DOK6: variants seen among roughly 807,000 people sequenced by gnomAD.
The protein encoded by DOK6 is downstream of tyrosine kinase 6.
Under a neutral mutation model 44.0 loss-of-function variants are expected in DOK6, and 22 were observed. That is an observed-to-expected ratio of 0.50 (90% CI 0.36 to 0.71). DOK6 has a LOEUF of 0.71. Ranked by LOEUF, DOK6 falls within the 30% of genes least tolerant of loss-of-function variation. The pLI, the probability that DOK6 is intolerant of heterozygous loss-of-function variation, is 0.00. For synonymous variants in DOK6, 166 were observed against 145.5 expected, an observed-to-expected ratio of 1.14 and a Z score of -1.01; for missense variants, 340 against 416.4, an observed-to-expected ratio of 0.82 and a Z score of 1.60.
At chr18:69,818,802 G>T (rs555869447) in intron 7 of DOK6, among the ~76,000 whole-genome samples, 2 of 152,150 alleles carry the variant, frequency 1.3e-5, no homozygotes, top group East Asian at 1.9e-4. Flanking sequence ...GATGATAAAG[G>T]CCCCCTAGTT....
In DOK6 at chr18:69,564,501, C is replaced by A; in HGVS notation, c.81C>A (p.Cys27Ter). The change falls in exon 2 of 8, where the codon TGC becomes TGA. Residue 27 changes from cysteine to a stop codon, truncating the protein, a stop_gained. Transcript: ENST00000382713. LOFTEE classifies it high-confidence loss of function. ...RSRKLGIFRR[C>*]WLVFKKASSK... ...TTTGCTTTCAGATTTTCAGACGATG[C>A]TGGTTGGTTTTCAAGAAGGCTTCTA... 6.2e-7 allele frequency: 1 copy of A among 1,613,606 alleles called. No homozygotes were observed. Among genetic ancestry groups the A allele is most frequent in the Non-Finnish European group, 8.5e-7 (1 of 1,179,780 alleles).
chr18:69,613,262 T>TGC (rs1374228825), intron 3 of DOK6, among the ~76,000 whole-genome samples: 1 of 152,170 alleles, frequency 6.6e-6, no homozygotes. Flanking sequence ...TGTGTGTGTG[T>TGC]GCATGTGTGT....
chr18:69,772,279 G>A (rs761056410), intron 7 of DOK6, among the ~76,000 whole-genome samples: 11 of 152,014 alleles, frequency 7.2e-5, no homozygotes, highest in Non-Finnish European at 1.5e-4. Context: ...TTGTTAACAT[G>A]TCTATACTAC....
intron 7 of DOK6, among the ~76,000 whole-genome samples, chr18:69,785,462 C>T (rs77939649): frequency 5.7e-4 from 87 of 152,262 alleles, no homozygotes; most frequent in Non-Finnish European, 1.1e-3. Context: ...GTTCTGCAGC[C>T]AAGGCCATGG....
intron 3 of DOK6, among the ~76,000 whole-genome samples, chr18:69,627,639 C>T (rs940781117): frequency 1.6e-4 from 24 of 152,042 alleles, no homozygotes; most frequent in African/African-American, 5.3e-4. Context: ...TTAGTAGAGA[C>T]GGGGTTTCAC....
chr18:69,493,218 T>C (rs929714605), intron 1 of DOK6, among the ~76,000 whole-genome samples: 1 of 152,184 alleles, frequency 6.6e-6, no homozygotes, highest in Non-Finnish European at 1.5e-5. Context: ...TTAAAAGACA[T>C]TACCTTATTT....
intron 1 of DOK6, among the ~76,000 whole-genome samples, chr18:69,474,283 TC>T (rs1201791702): frequency 2.6e-5 from 4 of 152,102 alleles, no homozygotes; most frequent in African/African-American, 9.7e-5. Flanking sequence ...TTCCTTTCTC[TC>T]TTTCATTTTC....
chr18:69,680,999 A>G (rs1986031470), intron 4 of DOK6, among the ~76,000 whole-genome samples: 3 of 152,242 alleles, frequency 2.0e-5, no homozygotes, highest in African/African-American at 7.2e-5. Context: ...ACTTACTAAT[A>G]CATGGTTGAA....
At chr18:69,529,501 C>T (rs1300377529) in intron 1 of DOK6, among the ~76,000 whole-genome samples, 1 of 152,158 alleles carries the variant, frequency 6.6e-6, no homozygotes, top group Admixed American at 6.6e-5. Flanking sequence ...ACTGTGCCAT[C>T]CACTTGGAAA....
chr18:69,620,256 T>A (rs1568313413), intron 3 of DOK6, among the ~76,000 whole-genome samples: 1 of 152,174 alleles, frequency 6.6e-6, no homozygotes, highest in Non-Finnish European at 1.5e-5. Flanking sequence ...AGTATTATAC[T>A]CCATTATTTG....
chr18:69,793,183 T>C (rs1191662820), intron 7 of DOK6, among the ~76,000 whole-genome samples: 2 of 152,290 alleles, frequency 1.3e-5, no homozygotes, highest in Middle Eastern at 3.4e-3. Context: ...GATTGACTTA[T>C]AGTTTTCTGG....
At chr18:69,788,580 C>T (rs898058701) in intron 7 of DOK6, among the ~76,000 whole-genome samples, 8 of 152,248 alleles carry the variant, frequency 5.3e-5, no homozygotes, top group East Asian at 3.9e-4. Context: ...TGGCACTTAA[C>T]GAACAGAGAG....
At chr18:69,623,658 GATTATTACT>G (rs1360740945) in intron 3 of DOK6, among the ~76,000 whole-genome samples, 1 of 152,126 alleles carries the variant, frequency 6.6e-6, no homozygotes, top group Non-Finnish European at 1.5e-5. Flanking sequence ...TTCCTCTAAT[GATTATTACT>G]AATATTTATT....
At chr18:69,408,439 CA>C (rs35285941) in intron 1 of DOK6, among the ~76,000 whole-genome samples, 49,569 of 138,638 alleles carry the variant, frequency 0.36, 8,504 homozygotes, top group Middle Eastern at 0.51. Flanking sequence ...CCTCTCCTTT[CA>C]AAAAAAAAAA....
intron 3 of DOK6, among the ~76,000 whole-genome samples, chr18:69,666,911 G>T (rs1047248042): frequency 6.6e-6 from 1 of 152,134 alleles, no homozygotes; most frequent in East Asian, 1.9e-4. Context: ...AAATAGCTTC[G>T]TTTTAAGGAA....
At chr18:69,772,260 G>C (rs1351599351) in intron 7 of DOK6, among the ~76,000 whole-genome samples, 2 of 151,968 alleles carry the variant, frequency 1.3e-5, no homozygotes, top group Non-Finnish European at 2.9e-5. Flanking sequence ...CGAGTTGAAA[G>C]AGTTAATATT....
chr18:69,795,679 A>G (rs1434557545), intron 7 of DOK6, among the ~76,000 whole-genome samples: 1 of 152,174 alleles, frequency 6.6e-6, no homozygotes, highest in Non-Finnish European at 1.5e-5. Flanking sequence ...TTTTTAATAA[A>G]GTTCGTTCAT....
At chr18:69,481,654 G>A (rs1345534694) in intron 1 of DOK6, among the ~76,000 whole-genome samples, 3 of 152,100 alleles carry the variant, frequency 2.0e-5, no homozygotes, top group African/African-American at 7.2e-5. Flanking sequence ...CCAAGTCTTT[G>A]CTATTGTGAA....
At chr18:69,649,875 T>C (rs957102704) in intron 3 of DOK6, among the ~76,000 whole-genome samples, 1 of 152,174 alleles carries the variant, frequency 6.6e-6, no homozygotes, top group Non-Finnish European at 1.5e-5. Context: ...TAAGATATGA[T>C]GTCTCTTATG....
Sources: allele counts gnomAD v4.1 joint callset (sites outside exome capture counted in the v4.1 genomes callset), GRCh38; gene constraint gnomAD v4.1.1; transcripts MANE v1.5; gene names NCBI Gene and HGNC (gene_info 2026-07-23, HGNC 2026-07-21).